Variants in RARRES1 observed in about 807,000 individuals in gnomAD.
The protein encoded by RARRES1 is retinoic acid receptor responder 1.
RARRES1 carries 34 observed loss-of-function variants against 30.6 expected under a neutral mutation model. The observed-to-expected ratio is 1.11, with a 90% CI of 0.84 to 1.48. The LOEUF (loss-of-function observed/expected upper bound fraction) is 1.48, where lower values mean the gene tolerates loss of function less well. Ranked by LOEUF, RARRES1 falls within the 40% of genes most tolerant of loss-of-function variation. The probability of loss-of-function intolerance (pLI) is 0.00; values close to 1 mark genes in which losing one functional copy is unlikely to be tolerated. For missense variants in RARRES1, 373 were observed against 386.5 expected (o/e 0.97, Z 0.29); for synonymous variants, 153 against 155.5 (o/e 0.98, Z 0.12).
intron 3 of RARRES1, among the ~76,000 whole-genome samples, chr3:158,707,177 AAAC>A (rs1726951492): frequency 1.3e-5 from 2 of 151,996 alleles, no homozygotes; most frequent in Non-Finnish European, 2.9e-5. Context: ...ACAAACAAAC[AAAC>A]AAAAAAACTA....
intron 1 of RARRES1, among the ~76,000 whole-genome samples, chr3:158,728,210 T>TTAAA (rs59553050): frequency 6.9e-6 from 1 of 144,972 alleles, no homozygotes; most frequent in Non-Finnish European, 1.5e-5. Flanking sequence ...CTATTTCGTT[T>TTAAA]AAAAAAAAAA....
intron 4 of RARRES1, among the ~76,000 whole-genome samples, chr3:158,702,029 G>GTTGGT (rs1432917985): frequency 1.3e-5 from 2 of 151,970 alleles, no homozygotes; most frequent in East Asian, 3.9e-4. Flanking sequence ...ATTTGTTTTT[G>GTTGGT]TTTGTTTTGT....
At chr3:158,703,376 A>G (rs1726799935) in intron 4 of RARRES1, among the ~76,000 whole-genome samples, 2 of 152,080 alleles carry the variant, frequency 1.3e-5, no homozygotes, top group Non-Finnish European at 2.9e-5. Context: ...TCTCTGCTGG[A>G]CTTTTTCTCA....
At chr3:158,713,173 C>G (rs1192629185) in intron 2 of RARRES1, among the ~76,000 whole-genome samples, 1 of 152,068 alleles carries the variant, frequency 6.6e-6, no homozygotes, top group Non-Finnish European at 1.5e-5. Context: ...GTCTCCTCTC[C>G]GCCCATGCTC....
intron 1 of RARRES1, among the ~76,000 whole-genome samples, chr3:158,716,327 C>T (rs1266896779): frequency 6.6e-6 from 1 of 152,258 alleles, no homozygotes; most frequent in Non-Finnish European, 1.5e-5. Flanking sequence ...GAATAAGAAT[C>T]CTGAGGAACA....
intron 3 of RARRES1, among the ~76,000 whole-genome samples, chr3:158,708,694 TCGCTCTGTTGCCCAG>T (rs577891001): frequency 1.6e-4 from 25 of 152,232 alleles, no homozygotes; most frequent in African/African-American, 6.0e-4. Flanking sequence ...AGACGGAGTT[TCGCTCTGTTGCCCAG>T]GCTGGAGTGC....
intron 4 of RARRES1, among the ~76,000 whole-genome samples, chr3:158,699,601 A>C (rs1035342766): frequency 6.6e-6 from 1 of 151,890 alleles, no homozygotes; most frequent in African/African-American, 2.4e-5. Flanking sequence ...GACTGCCATG[A>C]TTTCCTTCAG....
intron 5 of RARRES1, 39 bp from the exon 6 acceptor site, chr3:158,697,866 A>G (rs765583991): frequency 6.3e-6 from 10 of 1,583,632 alleles, no homozygotes; most frequent in Non-Finnish European, 8.7e-6. Context: ...ATCTGCAAAA[A>G]CTTATGGTAA....
At position 158,723,625 on chromosome 3, in the gene RARRES1, C is replaced by A. The variant is rs1727581253; in HGVS notation, c.276+8515G>T. 6.6e-6 allele frequency among the ~76,000 whole-genome samples: 1 copy of A among 152,196 alleles called. No individual in the cohort carries two copies. The highest frequency in any genetic ancestry group is 1.5e-5 in the Non-Finnish European group (1 of 68,034). ...GGCTAAGTAGCAATGGAGAGGAAAG[C>A]CAGAATACTGTGTGTCCTCTCTCTC... On this transcript the variant is annotated intron_variant, in intron 1 of 5. Coordinates refer to ENST00000237696, the MANE Select transcript of RARRES1 (RefSeq NM_206963.2). The surrounding 1 kb of genome is among the most constrained non-coding windows in gnomAD (Gnocchi z 4.4).
intron 1 of RARRES1, among the ~76,000 whole-genome samples, chr3:158,718,034 A>C (rs1368276216): frequency 6.7e-6 from 1 of 150,226 alleles, no homozygotes; most frequent in Non-Finnish European, 1.5e-5. Context: ...GCTGGAGCAC[A>C]GTTGCATGAT....
chr3:158,724,135 C>G (rs1727601064), intron 1 of RARRES1, among the ~76,000 whole-genome samples: 1 of 152,052 alleles, frequency 6.6e-6, no homozygotes, highest in Non-Finnish European at 1.5e-5. Context: ...GTGAGGTTAG[C>G]AAGGCTGCAG....
At chr3:158,701,968 A>AG (rs1472110181) in intron 4 of RARRES1, among the ~76,000 whole-genome samples, 1 of 152,034 alleles carries the variant, frequency 6.6e-6, no homozygotes, top group South Asian at 2.1e-4. Context: ...CAGACATCGC[A>AG]GGGGGAAAAA....
At chr3:158,712,396 A>C (rs966854101) in intron 2 of RARRES1, among the ~76,000 whole-genome samples, 3 of 152,180 alleles carry the variant, frequency 2.0e-5, no homozygotes, top group African/African-American at 7.2e-5. Flanking sequence ...AAAAAGAATA[A>C]ATAAATAAAA....
chr3:158,701,796 G>A (rs767143227), intron 4 of RARRES1, among the ~76,000 whole-genome samples: 5 of 152,068 alleles, frequency 3.3e-5, no homozygotes, highest in Non-Finnish European at 7.4e-5. Flanking sequence ...GCTGAAATGC[G>A]TGTCAGCCTT....
At position 158,728,464 on chromosome 3, in the gene RARRES1, G is replaced by T. The variant is rs183971365; in HGVS notation, c.276+3676C>A. On this transcript the variant is annotated intron_variant, in intron 1 of 5. Coordinates refer to ENST00000237696, the MANE Select transcript of RARRES1 (RefSeq NM_206963.2). ...ACTCAGTCCAACAATGCACTGGTTG[G>T]GTAGAGTGCAAACCTGAGTTTGGAG... 1.6e-4 allele frequency among the ~76,000 whole-genome samples: 24 copies of T among 151,898 alleles called. No individual in the cohort carries two copies. In the East Asian group the frequency reaches 4.4e-3, roughly 28 times the overall value.
chr3:158,713,861 T>C lies in RARRES1; in HGVS notation c.277-2A>G. The C allele has an allele frequency of 6.2e-7, 1 of 1,613,154 alleles. No individual in the cohort carries two copies. The highest frequency in any genetic ancestry group is 8.5e-7 in the Non-Finnish European group (1 of 1,179,074). ...TTTACATCCCTCTTTTGGATTAATC[T>C]GGAACACAGAAACTGAATCTTAGTA... On this transcript the variant is annotated splice_acceptor_variant, in intron 1 of 5. Coordinates refer to ENST00000237696, the MANE Select transcript of RARRES1 (RefSeq NM_206963.2). LOFTEE classifies it high-confidence loss of function.
chr3:158,711,075 T>C, intron 2 of RARRES1, 142 bp from the exon 3 acceptor site: 1 of 695,086 alleles, frequency 1.4e-6, no homozygotes, highest in African/African-American at 1.8e-5. Flanking sequence ...TATTGTGGGT[T>C]GTGCTCACAG....
chr3:158,723,598 C>T lies in RARRES1; in HGVS notation c.276+8542G>A, dbSNP rs1001592959. Among the ~76,000 whole-genome samples the T allele has an allele frequency of 1.3e-5, 2 of 152,236 alleles. No homozygotes were observed. The highest frequency in any genetic ancestry group is 4.8e-5 in the African/African-American group (2 of 41,460). On this transcript the variant is annotated intron_variant, in intron 1 of 5. Coordinates refer to ENST00000237696, the MANE Select transcript of RARRES1 (RefSeq NM_206963.2). This position sits in a 1 kb window ranked among gnomAD's most constrained non-coding sequence, Gnocchi z 4.4. ...TTTGCGTGCGAATGCTTTGCTTTCTCAGGCTAAGTAGCAATGGAGAGGAAA... is the reference window on the plus strand; with the variant it reads ...TTTGCGTGCGAATGCTTTGCTTTCTTAGGCTAAGTAGCAATGGAGAGGAAA...
chr3:158,702,570 A>G (rs541966630), intron 4 of RARRES1, among the ~76,000 whole-genome samples: 2 of 152,298 alleles, frequency 1.3e-5, no homozygotes, highest in African/African-American at 4.8e-5. Context: ...TGTTATCTCA[A>G]TGTGTTGCTC....
Sources: allele counts gnomAD v4.1 joint callset (sites outside exome capture counted in the v4.1 genomes callset), GRCh38; gene constraint gnomAD v4.1.1; non-coding constraint Gnocchi (gnomAD v3.1); transcripts MANE v1.5; gene names NCBI Gene and HGNC (gene_info 2026-07-23, HGNC 2026-07-21).